NRXN3: variants seen among roughly 807,000 people sequenced by gnomAD.
NRXN3 encodes neurexin III.
In NRXN3, 32 loss-of-function variants were observed where a neutral mutation model predicts 137.6. The observed-to-expected ratio is 0.23, with a 90% CI of 0.18 to 0.31. The LOEUF is 0.31. Ranked by LOEUF, NRXN3 falls within the 10% of genes least tolerant of loss-of-function variation. NRXN3 has a pLI of 1.00. For missense variants in NRXN3, 1,574 were observed against 2,062.5 expected (o/e 0.76, Z 4.59); for synonymous variants, 798 against 784.5 (o/e 1.02, Z -0.29).
At chr14:78,701,836 C>T (rs2098282333) in intron 6 of NRXN3, among the ~76,000 whole-genome samples, 1 of 152,238 alleles carries the variant, frequency 6.6e-6, no homozygotes, top group African/African-American at 2.4e-5. Flanking sequence ...GTCTGAACCT[C>T]AGTTCCAGTT....
intron 8 of NRXN3, among the ~76,000 whole-genome samples, chr14:78,766,436 A>C (rs2098709383): frequency 6.6e-6 from 1 of 152,216 alleles, no homozygotes; most frequent in South Asian, 2.1e-4. Flanking sequence ...AGTCCTTAAA[A>C]AAATTCAAAT....
rs770025654 is a variant in NRXN3 at position 78,709,517 on chromosome 14, T to C, written c.1522T>C (p.Phe508Leu). Residue 508 changes from phenylalanine (F) to leucine (L), a missense_variant, in exon 7 of 21, where the codon TTT (phenylalanine) becomes CTT (leucine). Physicochemically the swap from Phe to Leu is conservative, Grantham distance 22 (BLOSUM62 0). Transcript: ENST00000335750. The stretch of plus-strand genomic sequence containing the variant: ...CCAGAAGAATACAAAAGTAGACTTC[T>C]TTGCCGTGGAACTCCTCGATGGCAA... ...RSQKNTKVDF[F>L]AVELLDGNLY... 6.2e-7 allele frequency: 1 copy of C among 1,614,056 alleles called. No individual in the cohort carries two copies. Among genetic ancestry groups the C allele is most frequent in the South Asian group, 1.1e-5 (1 of 91,082 alleles).
chr14:78,364,979 G>T (rs2085696958), intron 4 of NRXN3, among the ~76,000 whole-genome samples: 1 of 152,064 alleles, frequency 6.6e-6, no homozygotes, highest in Non-Finnish European at 1.5e-5. Context: ...TATTGTTAAT[G>T]ATTAACCTTT....
chr14:79,142,518 A>T (rs1043862267), intron 15 of NRXN3, among the ~76,000 whole-genome samples: 2 of 152,178 alleles, frequency 1.3e-5, no homozygotes, highest in Non-Finnish European at 2.9e-5. Context: ...TGAATATTAA[A>T]AAAACAATGA....
At position 78,574,662 on chromosome 14, in the gene NRXN3, A is replaced by G. The variant is rs568485024; in HGVS notation, c.758-70458A>G. Among the ~76,000 whole-genome samples, 22 of 152,306 alleles carry G rather than the reference A, an allele frequency of 1.4e-4. No homozygotes were observed. The East Asian group carries it at 3.3e-3, about 23-fold the overall frequency. On this transcript the variant is annotated intron_variant, in intron 4 of 20. Coordinates refer to ENST00000335750, the MANE Select transcript of NRXN3 (RefSeq NM_001330195.2). ...CACCCAATGCCTGTAACCCCATTGT[A>G]TCTAAGAAGTAACTAACATGCTTTT...
At chr14:78,542,451 C>G (rs949979537) in intron 4 of NRXN3, among the ~76,000 whole-genome samples, 2 of 152,226 alleles carry the variant, frequency 1.3e-5, no homozygotes, top group African/African-American at 4.8e-5. Context: ...CAGACTGTTG[C>G]GCTAGCAGTG....
intron 16 of NRXN3, among the ~76,000 whole-genome samples, chr14:79,474,102 CA>C (rs1400264431): frequency 2.0e-5 from 3 of 151,730 alleles, no homozygotes; most frequent in South Asian, 4.2e-4. Context: ...AATTTGAAAC[CA>C]AAAAAAAGTT....
chr14:79,646,226 A>T (rs1322176606), intron 16 of NRXN3, among the ~76,000 whole-genome samples: 1 of 135,006 alleles, frequency 7.4e-6, no homozygotes, highest in African/African-American at 2.5e-5. Context: ...GATCATATGT[A>T]TCCCTTGGGA....
At chr14:78,603,348 C>T (rs1457049436) in intron 4 of NRXN3, among the ~76,000 whole-genome samples, 1 of 152,196 alleles carries the variant, frequency 6.6e-6, no homozygotes, top group Non-Finnish European at 1.5e-5. Flanking sequence ...ATCAAGAGCC[C>T]TTTAACTGAA....
chr14:78,979,823 C>G (rs1434103064), intron 14 of NRXN3, among the ~76,000 whole-genome samples: 3 of 152,044 alleles, frequency 2.0e-5, no homozygotes, highest in African/African-American at 4.8e-5. Flanking sequence ...AGGGGAACTC[C>G]CCTTTATAAA....
chr14:79,529,230 C>T (rs1034339095), intron 16 of NRXN3, among the ~76,000 whole-genome samples: 1 of 152,046 alleles, frequency 6.6e-6, no homozygotes, highest in African/African-American at 2.4e-5. Context: ...AGCAAGCAGG[C>T]GGTACGTGAC....
intron 15 of NRXN3, among the ~76,000 whole-genome samples, chr14:79,100,324 A>T (rs2051044568): frequency 6.6e-6 from 1 of 152,206 alleles, no homozygotes; most frequent in South Asian, 2.1e-4. Context: ...TGAATCCCCG[A>T]TCGTCTCTTT....
At chr14:78,268,422 T>A (rs1004667) in intron 2 of NRXN3, among the ~76,000 whole-genome samples, 11 of 152,104 alleles carry the variant, frequency 7.2e-5, no homozygotes, top group Admixed American at 3.3e-4. Context: ...CCACGCAGCA[T>A]TGGACGTTGT....
rs184847022 is a variant in NRXN3 at position 79,010,572 on chromosome 14, G to A, written c.3262+22431G>A. Among the ~76,000 whole-genome samples, 11 of 152,182 alleles carry A rather than the reference G, an allele frequency of 7.2e-5. No homozygotes were observed. In the East Asian group the frequency reaches 2.1e-3, roughly 29 times the overall value. ...CGATCCTAGTGGAATTCTATTTCATGGATTTTGTTCTGCCTTTATTGACAC... is the reference window on the plus strand; with the variant it reads ...CGATCCTAGTGGAATTCTATTTCATAGATTTTGTTCTGCCTTTATTGACAC... On this transcript the variant is annotated intron_variant, in intron 15 of 20. Coordinates refer to ENST00000335750, the MANE Select transcript of NRXN3 (RefSeq NM_001330195.2).
chr14:79,693,042 GACA>G (rs2098722072), intron 18 of NRXN3, among the ~76,000 whole-genome samples: 2 of 152,048 alleles, frequency 1.3e-5, no homozygotes, highest in South Asian at 4.1e-4. Context: ...ATTTGCTGGA[GACA>G]ACAACCACTG....
At chr14:78,208,013 C>A (rs188502358) in intron 1 of NRXN3, among the ~76,000 whole-genome samples, 102 of 152,226 alleles carry the variant, frequency 6.7e-4, no homozygotes, top group African/African-American at 2.1e-3. Flanking sequence ...AGTCAGACTG[C>A]CTAGGTTTAA....
chr14:78,259,977 C>T (rs987377076), intron 2 of NRXN3, among the ~76,000 whole-genome samples: 1 of 152,104 alleles, frequency 6.6e-6, no homozygotes, highest in Non-Finnish European at 1.5e-5. Flanking sequence ...GCGATGGGAA[C>T]CAAGAAATGG....
At chr14:79,795,607 CTATTT>C (rs1316423615) in intron 19 of NRXN3, among the ~76,000 whole-genome samples, 13 of 152,316 alleles carry the variant, frequency 8.5e-5, no homozygotes, top group South Asian at 4.1e-4. Context: ...TTGTAACTCC[CTATTT>C]TATTAAGTCC....
At chr14:78,850,854 A>G (rs2099040629) in intron 10 of NRXN3, among the ~76,000 whole-genome samples, 1 of 152,168 alleles carries the variant, frequency 6.6e-6, no homozygotes, top group Admixed American at 6.6e-5. Flanking sequence ...TACAGGAAAG[A>G]ATGAGAGGAA....
Sources: gnomAD v4.1 joint callset for allele counts (sites outside exome capture counted in the v4.1 genomes callset) on GRCh38, gnomAD v4.1.1 for gene constraint, MANE v1.5 for transcripts, NCBI Gene and HGNC (gene_info 2026-07-23, HGNC 2026-07-21) for gene names.